GRID2: variants seen among roughly 807,000 people sequenced by gnomAD.
GRID2 encodes glutamate receptor ionotropic, delta-2.
Under a neutral mutation model 114.8 loss-of-function variants are expected in GRID2, and 33 were observed. The ratio of observed to expected loss-of-function variants is 0.29; its 90% confidence interval spans 0.22 to 0.38. The LOEUF (loss-of-function observed/expected upper bound fraction) is 0.38, where lower values mean the gene tolerates loss of function less well. Among genes scored for constraint, GRID2 ranks in the 10% least tolerant of loss-of-function variants. GRID2 has a pLI of 1.00. For missense variants in GRID2, 1,184 were observed against 1,257.7 expected, an observed-to-expected ratio of 0.94 and a Z score of 0.89; for synonymous variants, 505 against 449.9, an observed-to-expected ratio of 1.12 and a Z score of -1.55.
At chr4:93,557,003 C>T (rs750653302) in intron 13 of GRID2, among the ~76,000 whole-genome samples, 4 of 152,030 alleles carry the variant, frequency 2.6e-5, no homozygotes, top group African/African-American at 7.3e-5. Context: ...GCTTCATCAG[C>T]GAAGAAGAAA....
intron 8 of GRID2, among the ~76,000 whole-genome samples, chr4:93,282,033 C>T (rs724955): frequency 0.71 from 107,678 of 151,844 alleles, 39,211 homozygotes; most frequent in African/African-American, 0.86. Flanking sequence ...CATTCTATTG[C>T]TCATTAGTGG....
intron 2 of GRID2, among the ~76,000 whole-genome samples, chr4:92,693,569 T>G (rs1734285079): frequency 1.3e-5 from 2 of 152,198 alleles, no homozygotes; most frequent in African/African-American, 4.8e-5. Context: ...CACAGTACTG[T>G]GAGATGAACA....
chr4:92,576,454 G>C (rs1298285517), intron 1 of GRID2, among the ~76,000 whole-genome samples: 1 of 152,312 alleles, frequency 6.6e-6, no homozygotes, highest in African/African-American at 2.4e-5. Context: ...TATCCTGTGA[G>C]ATGCTATGGA....
At chr4:92,715,646 G>C (rs919530608) in intron 2 of GRID2, among the ~76,000 whole-genome samples, 4 of 152,212 alleles carry the variant, frequency 2.6e-5, no homozygotes, top group African/African-American at 9.6e-5. Context: ...TGGCAGACGA[G>C]TGAAGAGAGC....
At chr4:93,113,579 A>G (rs1263521315) in intron 4 of GRID2, among the ~76,000 whole-genome samples, 3 of 152,228 alleles carry the variant, frequency 2.0e-5, no homozygotes, top group Non-Finnish European at 4.4e-5. Flanking sequence ...CTAGCGATAC[A>G]ATGACAACAA....
At chr4:92,941,578 C>T (rs1243794838) in intron 2 of GRID2, among the ~76,000 whole-genome samples, 3 of 152,094 alleles carry the variant, frequency 2.0e-5, no homozygotes, top group Non-Finnish European at 4.4e-5. Flanking sequence ...TTCAGTTCTG[C>T]TCTGATCTTA....
At chr4:93,433,162 A>G (rs1170200520) in intron 10 of GRID2, among the ~76,000 whole-genome samples, 2 of 152,194 alleles carry the variant, frequency 1.3e-5, no homozygotes, top group African/African-American at 4.8e-5. Flanking sequence ...TTTCTGCTCA[A>G]TTTTTCTGAA....
intron 3 of GRID2, among the ~76,000 whole-genome samples, chr4:93,094,945 A>G (rs189924199): frequency 6.6e-6 from 1 of 152,174 alleles, no homozygotes; most frequent in East Asian, 1.9e-4. Context: ...AAAAGCTTAA[A>G]TAGCAAGAAA....
intron 2 of GRID2, among the ~76,000 whole-genome samples, chr4:92,729,295 C>T (rs1736215170): frequency 1.3e-5 from 2 of 152,080 alleles, no homozygotes; most frequent in Admixed American, 6.6e-5. Flanking sequence ...ACATCTACTC[C>T]ACTTGTGTCC....
At chr4:93,413,437 A>G (rs917005072) in intron 9 of GRID2, among the ~76,000 whole-genome samples, 1 of 152,020 alleles carries the variant, frequency 6.6e-6, no homozygotes, top group Non-Finnish European at 1.5e-5. Context: ...CCACTTTTTT[A>G]TGGGGTTGAG....
chr4:93,519,751 T>G (rs1730146714), intron 13 of GRID2, among the ~76,000 whole-genome samples: 1 of 152,108 alleles, frequency 6.6e-6, no homozygotes, highest in Non-Finnish European at 1.5e-5. Context: ...GGATGTACAC[T>G]CAAATGGATA....
rs1251126255 is a variant in GRID2, at chr4:92,304,641, A to G, written c.-16A>G. ...GGAAGAAAATCCATCCTCCAAGAGA[A>G]TCGGCATAGGAGGAGATGGAAGTTT... On this transcript the variant is annotated 5_prime_UTR_variant, in exon 1 of 16. Coordinates refer to ENST00000282020, the MANE Select transcript of GRID2 (RefSeq NM_001510.4). 6.3e-7 allele frequency: 1 copy of G among 1,582,592 alleles called. No homozygotes were observed. The highest frequency in any genetic ancestry group is 1.7e-5 in the Admixed American group (1 of 59,866).
Position 92,834,756 on chromosome 4 carries a change from C to G in GRID2, c.244+244470C>G, listed in dbSNP as rs141097610. 3.6e-4 allele frequency among the ~76,000 whole-genome samples: 55 copies of G among 152,202 alleles called. 1 individual carries two copies. The highest frequency in any genetic ancestry group is 1.2e-3 in the Admixed American group (18 of 15,264). On this transcript the variant is annotated intron_variant, in intron 2 of 15. Transcript: ENST00000282020. ...AATATTTCTTTGTGTGATTTCTGGA[C>G]ACTGCATTTTTATCCTAATGAGGCC...
chr4:92,476,198 TGTACTTTTA>T (rs1722305722), intron 1 of GRID2, among the ~76,000 whole-genome samples: 1 of 152,020 alleles, frequency 6.6e-6, no homozygotes, highest in African/African-American at 2.4e-5. Context: ...GCTAACTTTT[TGTACTTTTA>T]GTAGAGACCG....
chr4:93,276,309 T>C (rs1239511479), intron 8 of GRID2, among the ~76,000 whole-genome samples: 4 of 152,046 alleles, frequency 2.6e-5, no homozygotes, highest in Middle Eastern at 3.2e-3. Flanking sequence ...CATCAGTACA[T>C]ATCTCTGTCC....
At chr4:93,180,359 C>A (rs1283647274) in intron 4 of GRID2, among the ~76,000 whole-genome samples, 1 of 151,990 alleles carries the variant, frequency 6.6e-6, no homozygotes, top group East Asian at 1.9e-4. Flanking sequence ...CTAAAGAATG[C>A]CAACAATCAT....
intron 8 of GRID2, among the ~76,000 whole-genome samples, chr4:93,261,736 A>C (rs1218075458): frequency 6.6e-6 from 1 of 151,892 alleles, no homozygotes; most frequent in Admixed American, 6.6e-5. Flanking sequence ...GAGAAACTCT[A>C]AAGATGTAGC....
intron 14 of GRID2, among the ~76,000 whole-genome samples, chr4:93,744,030 G>A (rs750929693): frequency 6.6e-6 from 1 of 152,238 alleles, no homozygotes; most frequent in African/African-American, 2.4e-5. Flanking sequence ...TAAATGGAAC[G>A]ATAAAGCCTG....
chr4:92,355,151 T>C (rs1728258329), intron 1 of GRID2, among the ~76,000 whole-genome samples: 1 of 151,936 alleles, frequency 6.6e-6, no homozygotes, highest in Non-Finnish European at 1.5e-5. Flanking sequence ...ATCATCTGTA[T>C]TTTCTCTCTA....
Sources: allele counts gnomAD v4.1 joint callset (sites outside exome capture counted in the v4.1 genomes callset), GRCh38; gene constraint gnomAD v4.1.1; transcripts MANE v1.5; gene names NCBI Gene and HGNC (gene_info 2026-07-23, HGNC 2026-07-21).